Variants in GALNTL6 observed in about 807,000 individuals in gnomAD.
The protein encoded by GALNTL6 is polypeptide N-acetylgalactosaminyltransferase like 6.
GALNTL6 carries 46 observed loss-of-function variants against 73.7 expected under a neutral mutation model. The observed-to-expected ratio is 0.62, with a 90% CI of 0.49 to 0.80. The LOEUF is 0.80. GALNTL6 is among the 30% of genes least tolerant of loss of function. The pLI is 0.00. For synonymous variants in GALNTL6, 259 were observed against 263.7 expected (o/e 0.98, Z 0.17); for missense variants, 604 against 755.0 (o/e 0.80, Z 2.34).
At chr4:172,746,582 A>G (rs1737120229) in intron 5 of GALNTL6, among the ~76,000 whole-genome samples, 1 of 152,178 alleles carries the variant, frequency 6.6e-6, no homozygotes, top group East Asian at 1.9e-4. Flanking sequence ...TGCAGTTCTT[A>G]GCTACCTTTT....
chr4:171,930,242 C>A (rs1166897700), intron 2 of GALNTL6, among the ~76,000 whole-genome samples: 1 of 152,248 alleles, frequency 6.6e-6, no homozygotes, highest in Non-Finnish European at 1.5e-5. Context: ...ACCTTCGCCT[C>A]CAGCGAAACC....
chr4:172,962,915 G>A (rs903766118), intron 10 of GALNTL6, among the ~76,000 whole-genome samples: 1 of 152,018 alleles, frequency 6.6e-6, no homozygotes, highest in African/African-American at 2.4e-5. Flanking sequence ...TGCCTGCCGC[G>A]CTTCGGTTTA....
chr4:172,094,979 G>T (rs1579132747), intron 2 of GALNTL6, among the ~76,000 whole-genome samples: 2 of 145,938 alleles, frequency 1.4e-5, no homozygotes. Flanking sequence ...GAATTTTCTG[G>T]ACCACTTCTC....
intron 2 of GALNTL6, among the ~76,000 whole-genome samples, chr4:172,177,119 T>C (rs1278592704): frequency 1.3e-5 from 2 of 152,156 alleles, no homozygotes; most frequent in Non-Finnish European, 2.9e-5. Context: ...AAGAAGGAAG[T>C]AGTCAGCATA....
At chr4:172,186,644 A>T (rs574031582) in intron 2 of GALNTL6, among the ~76,000 whole-genome samples, 5 of 152,240 alleles carry the variant, frequency 3.3e-5, no homozygotes, top group Non-Finnish European at 5.9e-5. Flanking sequence ...ATGAACCTCG[A>T]GGACATTTTG....
chr4:172,057,701 CAAAAAAAAAAAAAAA>C (rs57041409), intron 2 of GALNTL6, among the ~76,000 whole-genome samples: 1 of 63,138 alleles, frequency 1.6e-5, no homozygotes, highest in Non-Finnish European at 2.7e-5. Flanking sequence ...GACCCTGTCT[CAAAAAAAAAAAAAAA>C]AAAAAAAAAA....
At chr4:173,033,248 C>A (rs1285710247) in intron 12 of GALNTL6, among the ~76,000 whole-genome samples, 1 of 151,998 alleles carries the variant, frequency 6.6e-6, no homozygotes, top group African/African-American at 2.4e-5. Context: ...GGAGTTCCAC[C>A]CGCCTCGGCC....
intron 3 of GALNTL6, among the ~76,000 whole-genome samples, chr4:172,238,208 A>G (rs1737304919): frequency 6.6e-6 from 1 of 152,150 alleles, no homozygotes; most frequent in South Asian, 2.1e-4. Flanking sequence ...GCATTTTAAC[A>G]ATATTCTTTC....
At chr4:172,946,842 T>C (rs1166649277) in intron 9 of GALNTL6, among the ~76,000 whole-genome samples, 1 of 152,192 alleles carries the variant, frequency 6.6e-6, no homozygotes, top group Non-Finnish European at 1.5e-5. Context: ...TGTGGAGAAT[T>C]ATCCTGTTCA....
At chr4:172,929,897 A>G (rs1748236827) in intron 8 of GALNTL6, among the ~76,000 whole-genome samples, 1 of 152,194 alleles carries the variant, frequency 6.6e-6, no homozygotes, top group Non-Finnish European at 1.5e-5. Flanking sequence ...AAGATCTGTT[A>G]TATAAAACCA....
In GALNTL6 at chr4:172,370,374, C is replaced by T. The variant is rs113878454; in HGVS notation, c.553+21685C>T. On this transcript the variant is annotated intron_variant, in intron 5 of 12. Transcript: ENST00000506823. The stretch of plus-strand genomic sequence containing the variant: ...CCTAGAAAGGGGAGAAGCCATGTTG[C>T]CCAACTCCAGAGGTTGGTATAAGAG... Among the ~76,000 whole-genome samples, 541 of 152,104 alleles carry T rather than the reference C, an allele frequency of 3.6e-3. 2 individuals are homozygous for T. Among genetic ancestry groups the T allele is most frequent in the African/African-American group, 9.3e-3 (387 of 41,502 alleles).
intron 5 of GALNTL6, among the ~76,000 whole-genome samples, chr4:172,428,098 A>T (rs1465753790): frequency 6.6e-6 from 1 of 152,148 alleles, no homozygotes; most frequent in Non-Finnish European, 1.5e-5. Context: ...TTAAGCATAC[A>T]TCATTTATGA....
intron 5 of GALNTL6, among the ~76,000 whole-genome samples, chr4:172,436,313 C>G (rs1333402621): frequency 6.6e-6 from 1 of 152,040 alleles, no homozygotes; most frequent in Non-Finnish European, 1.5e-5. Context: ...AAATCTTAAG[C>G]TCATAAGATA....
At chr4:171,978,009 T>G (rs975369644) in intron 2 of GALNTL6, among the ~76,000 whole-genome samples, 2 of 152,130 alleles carry the variant, frequency 1.3e-5, no homozygotes, top group Admixed American at 1.3e-4. Flanking sequence ...GCATTTTTCT[T>G]GTATTCTTTA....
chr4:172,176,963 C>G (rs932919633), intron 2 of GALNTL6, among the ~76,000 whole-genome samples: 1 of 151,946 alleles, frequency 6.6e-6, no homozygotes, highest in African/African-American at 2.4e-5. Flanking sequence ...ATTTCTATTT[C>G]TTATCTCAAT....
chr4:172,051,077 G>A (rs143503964), intron 2 of GALNTL6, among the ~76,000 whole-genome samples: 7 of 152,242 alleles, frequency 4.6e-5, no homozygotes, highest in Non-Finnish European at 7.4e-5. Context: ...CTTGGCAAAG[G>A]CAGAGTGTTA....
At chr4:171,964,076 G>A (rs1030327892) in intron 2 of GALNTL6, among the ~76,000 whole-genome samples, 1 of 152,098 alleles carries the variant, frequency 6.6e-6, no homozygotes, top group Non-Finnish European at 1.5e-5. Context: ...TGCATGTTCT[G>A]GTGTCACTTG....
In GALNTL6 at chr4:172,886,437, T is replaced by C. The variant is rs569499228; in HGVS notation, c.1041+3530T>C. ...ATTTGAGTCTTCTCTCTTCCATTCT[T>C]AGTCTGGCTAAAGAGTTGTTACATT... is the stretch of plus-strand genomic sequence containing the variant. On this transcript the variant is annotated intron_variant, in intron 8 of 12. Coordinates refer to ENST00000506823, the MANE Select transcript of GALNTL6 (RefSeq NM_001034845.3). Among the ~76,000 whole-genome samples, 3 of 152,172 alleles carry C rather than the reference T, an allele frequency of 2.0e-5. No homozygotes were observed. In the South Asian group the frequency reaches 6.2e-4, roughly 32 times the overall value.
intron 2 of GALNTL6, among the ~76,000 whole-genome samples, chr4:171,920,099 A>G (rs903895266): frequency 3.9e-5 from 6 of 152,026 alleles, no homozygotes. Context: ...GAAGCTGGAA[A>G]CCATCATTCT....
Sources: allele counts gnomAD v4.1 joint callset (sites outside exome capture counted in the v4.1 genomes callset), GRCh38; gene constraint gnomAD v4.1.1; transcripts MANE v1.5; gene names NCBI Gene and HGNC (gene_info 2026-07-23, HGNC 2026-07-21).